Variants in PCDHGB5 observed in about 807,000 individuals in gnomAD.
PCDHGB5 encodes the protein protocadherin gamma subfamily B, 5, also known as protocadherin gamma-B5.
A neutral mutation model predicts 62.9 loss-of-function variants in PCDHGB5; 48 were observed. That is an observed-to-expected ratio of 0.76 (90% CI 0.61 to 0.97). PCDHGB5 has a LOEUF of 0.97. Among genes scored for constraint, PCDHGB5 ranks in the 50% least tolerant of loss-of-function variants. The pLI is 0.00. For synonymous variants in PCDHGB5, 474 were observed against 511.2 expected, an observed-to-expected ratio of 0.93 and a Z score of 0.98; for missense variants, 1,118 against 1,198.6, an observed-to-expected ratio of 0.93 and a Z score of 0.99.
intron 1 of PCDHGB5, chr5:141,423,722 G>T: frequency 1.0e-6 from 1 of 954,174 alleles, no homozygotes; most frequent in Non-Finnish European, 1.3e-6. Flanking sequence ...TTAAGGAGAT[G>T]TTTTTTGAGC....
chr5:141,440,393 G>A (rs1444541990), intron 1 of PCDHGB5: 1 of 152,180 alleles, frequency 6.6e-6, no homozygotes, highest in Admixed American at 6.5e-5. Flanking sequence ...TTGAACCCGA[G>A]AGGCAATCGC....
rs887814386 is a variant in PCDHGB5, at chr5:141,431,347, G to A, written c.2397+30823G>A. The A allele has an allele frequency of 1.9e-6, 3 of 1,614,098 alleles. No individual in the cohort carries two copies. The highest frequency in any genetic ancestry group is 2.5e-6 in the Non-Finnish European group (3 of 1,180,036). On this transcript the variant is annotated intron_variant, in intron 1 of 3. Coordinates refer to ENST00000617380, the MANE Select transcript of PCDHGB5 (RefSeq NM_018925.3). This position sits in a 1 kb window ranked among gnomAD's most constrained non-coding sequence, Gnocchi z 4.8. ...GTAGTAAGTACCCCGAATTGGTGCT[G>A]AAACGCGCCCTGGACCGCGAAGAAA...
intron 1 of PCDHGB5, among the ~76,000 whole-genome samples, chr5:141,450,424 CTTTAA>C (rs2098679800): frequency 1.3e-5 from 2 of 152,146 alleles, no homozygotes; most frequent in East Asian, 3.9e-4. Context: ...TGTATAATGC[CTTTAA>C]TTTATATTTG....
chr5:141,410,045 G>C (rs962300160), intron 1 of PCDHGB5: 1 of 1,613,166 alleles, frequency 6.2e-7, no homozygotes. Context: ...CAGTGAGCCC[G>C]GACTCTTCAG....
chr5:141,507,559 G>T (rs542787142), intron 3 of PCDHGB5, among the ~76,000 whole-genome samples: 1 of 152,368 alleles, frequency 6.6e-6, no homozygotes, highest in African/African-American at 2.4e-5. Flanking sequence ...GTGGCAGGCG[G>T]CTGGGTCTGA....
chr5:141,417,892 C>G lies in PCDHGB5; in HGVS notation c.2397+17368C>G, dbSNP rs550343206. On this transcript the variant is annotated intron_variant, in intron 1 of 3. Coordinates refer to ENST00000617380, the MANE Select transcript of PCDHGB5 (RefSeq NM_018925.3). Reference sequence around the variant, plus strand: ...GGAGCTGCGCGCAGAGGCGCCGGGCCGGCCCGCGGCAGGTACTATTTCCTT... The same window carrying G: ...GGAGCTGCGCGCAGAGGCGCCGGGCGGGCCCGCGGCAGGTACTATTTCCTT... 2.2e-4 allele frequency: 348 copies of G among 1,570,774 alleles called. 2 individuals carry two copies. The South Asian group carries it at 3.7e-3, about 17-fold the overall frequency.
At chr5:141,484,872 G>T in intron 1 of PCDHGB5, 1 of 319,608 alleles carries the variant, frequency 3.1e-6, no homozygotes, top group Non-Finnish European at 5.8e-6. Context: ...GGAGCGTGGA[G>T]GATAGGGTGG....
At chr5:141,413,588 A>C in intron 1 of PCDHGB5, 1 of 1,613,922 alleles carries the variant, frequency 6.2e-7, no homozygotes, top group South Asian at 1.1e-5. Flanking sequence ...CCAAAATTCC[A>C]AGCAGAAAAT....
chr5:141,476,091 G>A lies in PCDHGB5; in HGVS notation c.2398-18716G>A. The A allele has an allele frequency of 2.6e-6, 4 of 1,563,192 alleles. No individual in the cohort carries two copies. The highest frequency in any genetic ancestry group is 3.5e-6 in the Non-Finnish European group (4 of 1,159,278). On this transcript the variant is annotated intron_variant, in intron 1 of 3. Transcript: ENST00000617380. The surrounding 1 kb of genome is among the most constrained non-coding windows in gnomAD (Gnocchi z 7.6). ...AAATCTCAGGGACGATCTGGACCCCGCTGAGAGGAACTGCTTTTGAGTGAG... is the reference window on the plus strand; with the variant it reads ...AAATCTCAGGGACGATCTGGACCCCACTGAGAGGAACTGCTTTTGAGTGAG...
At chr5:141,409,896 C>A (rs1181128940) in intron 1 of PCDHGB5, 1 of 1,613,240 alleles carries the variant, frequency 6.2e-7, no homozygotes, top group African/African-American at 1.3e-5. Context: ...GTGCTGTACC[C>A]AGCTCTGGGT....
In PCDHGB5 at chr5:141,431,508, G is replaced by A. The variant is rs774545870; in HGVS notation, c.2397+30984G>A. ...TTTGCTCAGCCCGAGTACCGCGCGA[G>A]CGTTCCGGAGAATCTGGCCTTGGGC... On this transcript the variant is annotated intron_variant, in intron 1 of 3. Coordinates refer to ENST00000617380, the MANE Select transcript of PCDHGB5 (RefSeq NM_018925.3). The surrounding 1 kb of genome is among the most constrained non-coding windows in gnomAD (Gnocchi z 4.8). 12 of 1,613,914 alleles carry A rather than the reference G, an allele frequency of 7.4e-6. No individual in the cohort carries two copies. Among genetic ancestry groups the A allele is most frequent in the East Asian group, 2.2e-5 (1 of 44,904 alleles).
rs763160633 is a variant in PCDHGB5 at position 141,418,261 on chromosome 5, G to A, written c.2397+17737G>A. 3 of 1,614,056 alleles carry A rather than the reference G, an allele frequency of 1.9e-6. No homozygotes were observed. In the South Asian group the frequency reaches 3.3e-5, roughly 18 times the overall value. Reference sequence around the variant, plus strand: ...TTAATGACCACGCCCCTCAATTCCGGAAAGATGAAATAAACTTAGAAATCA... The same window carrying A: ...TTAATGACCACGCCCCTCAATTCCGAAAAGATGAAATAAACTTAGAAATCA... On this transcript the variant is annotated intron_variant, in intron 1 of 3. Coordinates refer to ENST00000617380, the MANE Select transcript of PCDHGB5 (RefSeq NM_018925.3).
intron 2 of PCDHGB5, among the ~76,000 whole-genome samples, chr5:141,504,078 CCAAA>C (rs1272625151): frequency 6.6e-6 from 1 of 152,078 alleles, no homozygotes; most frequent in South Asian, 2.1e-4. Context: ...CCAGATGGTG[CCAAA>C]CAGTTACCTA....
At chr5:141,470,838 C>T (rs142581300) in intron 1 of PCDHGB5, among the ~76,000 whole-genome samples, 5 of 152,222 alleles carry the variant, frequency 3.3e-5, no homozygotes, top group African/African-American at 7.2e-5. Flanking sequence ...CAAACACACG[C>T]CACCATGCTC....
intron 1 of PCDHGB5, among the ~76,000 whole-genome samples, chr5:141,475,285 A>G (rs2099361212): frequency 6.6e-6 from 1 of 152,244 alleles, no homozygotes; most frequent in Non-Finnish European, 1.5e-5. Context: ...AAGACAGGGT[A>G]GGGAAATTTC....
chr5:141,507,012 G>A (rs2099857902), intron 3 of PCDHGB5: 1 of 152,208 alleles, frequency 6.6e-6, no homozygotes, highest in Admixed American at 6.5e-5. Flanking sequence ...AGAGAACCGA[G>A]AAGGCACTTG....
Position 141,511,429 on chromosome 5 carries a change from G to A in PCDHGB5, c.*256G>A, listed in dbSNP as rs1414641314. 1.3e-6 allele frequency: 1 copy of A among 769,620 alleles called. No individual in the cohort carries two copies. The highest frequency in any genetic ancestry group is 2.0e-6 in the Non-Finnish European group (1 of 505,154). The allele number at this position is 769,620 out of a possible 1,614,324, so 47.7% of individuals were successfully genotyped here. On this transcript the variant is annotated 3_prime_UTR_variant, in exon 4 of 4. Transcript: ENST00000617380. The stretch of plus-strand genomic sequence containing the variant: ...CTGCTGTACCCATGGGGGTAGTGGG[G>A]TTACTGTAGACACCAAGAACCATTT...
At chr5:141,495,379 C>T (rs989240656) in intron 2 of PCDHGB5, among the ~76,000 whole-genome samples, 3 of 152,208 alleles carry the variant, frequency 2.0e-5, no homozygotes, top group Non-Finnish European at 4.4e-5. Context: ...TGAGGAAGGA[C>T]TGGGCGGGGC....
intron 1 of PCDHGB5, among the ~76,000 whole-genome samples, chr5:141,446,315 G>A (rs556077331): frequency 6.6e-6 from 1 of 152,188 alleles, no homozygotes; most frequent in East Asian, 1.9e-4. Context: ...TGATTCCTGG[G>A]TTTCCACATT....
Sources: gnomAD v4.1 joint callset for allele counts (sites outside exome capture counted in the v4.1 genomes callset) on GRCh38, gnomAD v4.1.1 for gene constraint, Gnocchi (gnomAD v3.1) non-coding constraint, MANE v1.5 for transcripts, NCBI Gene and HGNC (gene_info 2026-07-23, HGNC 2026-07-21) for gene names.